RABGAP1L: variants seen among roughly 807,000 people sequenced by gnomAD.
The protein encoded by RABGAP1L is RAB GTPase activating protein 1 like.
RABGAP1L carries 63 observed loss-of-function variants against 137.7 expected under a neutral mutation model. That is an observed-to-expected ratio of 0.46 (90% CI 0.37 to 0.56). The LOEUF is 0.56. Ranked by LOEUF, RABGAP1L falls within the 20% of genes least tolerant of loss-of-function variation. The pLI is 0.00. For synonymous variants in RABGAP1L, 431 were observed against 433.7 expected, an observed-to-expected ratio of 0.99 and a Z score of 0.08; for missense variants, 1,095 against 1,244.0, an observed-to-expected ratio of 0.88 and a Z score of 1.80.
intron 13 of RABGAP1L, among the ~76,000 whole-genome samples, chr1:174,529,371 T>G (rs1369590903): frequency 6.6e-6 from 1 of 152,166 alleles, no homozygotes; most frequent in Non-Finnish European, 1.5e-5. Context: ...GGGTGCAGGC[T>G]AGTAGTATAA....
At chr1:174,956,178 A>G (rs1668497616) in intron 19 of RABGAP1L, among the ~76,000 whole-genome samples, 1 of 152,138 alleles carries the variant, frequency 6.6e-6, no homozygotes, top group South Asian at 2.1e-4. Context: ...TTATAGATGA[A>G]GAAACTGAGG....
At chr1:174,175,389 C>T (rs1400789605) in intron 1 of RABGAP1L, among the ~76,000 whole-genome samples, 1 of 152,058 alleles carries the variant, frequency 6.6e-6, no homozygotes, top group East Asian at 1.9e-4. Flanking sequence ...AGAAATCTCT[C>T]ATTTGTGCTT....
chr1:174,583,615 G>C (rs1354246430), intron 13 of RABGAP1L, among the ~76,000 whole-genome samples: 6 of 152,100 alleles, frequency 3.9e-5, no homozygotes, highest in African/African-American at 1.4e-4. Flanking sequence ...AGCTCATAGA[G>C]GAGTCCCAGG....
At chr1:174,622,099 A>G (rs1275464226) in intron 13 of RABGAP1L, among the ~76,000 whole-genome samples, 8 of 152,264 alleles carry the variant, frequency 5.3e-5, no homozygotes, top group Non-Finnish European at 1.0e-4. Flanking sequence ...AGACACATGA[A>G]AAAATGCTCA....
At chr1:174,554,542 A>G (rs541139060) in intron 13 of RABGAP1L, among the ~76,000 whole-genome samples, 27 of 152,216 alleles carry the variant, frequency 1.8e-4, no homozygotes, top group Non-Finnish European at 3.4e-4. Flanking sequence ...CTTTTATTTC[A>G]AAGTAAAATA....
intron 19 of RABGAP1L, among the ~76,000 whole-genome samples, chr1:174,887,524 CAG>C (rs1403732760): frequency 6.6e-6 from 1 of 151,900 alleles, no homozygotes; most frequent in Non-Finnish European, 1.5e-5. Flanking sequence ...AATTAAGAAA[CAG>C]AAATCTCTTG....
chr1:174,463,813 AAATAAT>A lies in RABGAP1L; in HGVS notation c.1710+69677_1710+69682del, dbSNP rs919371824. On this transcript the variant is annotated intron_variant, in intron 13 of 25. Coordinates refer to ENST00000681986, the MANE Select transcript of RABGAP1L (RefSeq NM_001366446.1). The stretch of plus-strand genomic sequence containing the variant: ...AGTGGCTATTACTAAAAAGTAAAAA[AAATAAT>A]AATAATAACAGATGTTGGTGAGGTT... Among the ~76,000 whole-genome samples, 3 of 151,928 alleles carry A rather than the reference AAATAAT, an allele frequency of 2.0e-5. No homozygotes were observed. In the East Asian group the frequency reaches 5.8e-4, roughly 29 times the overall value.
At chr1:174,462,141 C>G (rs868242999) in intron 13 of RABGAP1L, among the ~76,000 whole-genome samples, 2 of 152,204 alleles carry the variant, frequency 1.3e-5, no homozygotes, top group Admixed American at 6.5e-5. Context: ...TCTAATAATA[C>G]TTCTTTTAAT....
Position 174,317,793 on chromosome 1 carries a change from G to A in RABGAP1L, c.1465+12666G>A, listed in dbSNP as rs546513103. Among the ~76,000 whole-genome samples, 126 of 152,228 alleles carry A rather than the reference G, an allele frequency of 8.3e-4. 1 individual carries two copies. In the Middle Eastern group the frequency reaches 0.01, roughly 12 times the overall value. ...TAGCACTGTAGCCCTTGGTGGCAAGGTCTGCAGGAACTCAAATTTGTACCG... is the reference window on the plus strand; with the variant it reads ...TAGCACTGTAGCCCTTGGTGGCAAGATCTGCAGGAACTCAAATTTGTACCG... On this transcript the variant is annotated intron_variant, in intron 11 of 25. Transcript: ENST00000681986.
intron 13 of RABGAP1L, among the ~76,000 whole-genome samples, chr1:174,463,795 A>G (rs1490788844): frequency 2.0e-5 from 3 of 151,968 alleles, no homozygotes; most frequent in Non-Finnish European, 4.4e-5. Flanking sequence ...CAGAGTGGCT[A>G]TTACTAAAAA....
chr1:174,836,431 T>C (rs1692760816), intron 19 of RABGAP1L, among the ~76,000 whole-genome samples: 1 of 152,224 alleles, frequency 6.6e-6, no homozygotes, highest in South Asian at 2.1e-4. Flanking sequence ...GCACCCTCAT[T>C]GTAAAACAGA....
intron 13 of RABGAP1L, among the ~76,000 whole-genome samples, chr1:174,530,688 A>G (rs1015938702): frequency 6.6e-6 from 1 of 152,196 alleles, no homozygotes; most frequent in South Asian, 2.1e-4. Context: ...GTTAAATCCC[A>G]GTGTTCTCTC....
At chr1:174,843,244 T>C (rs904478154) in intron 19 of RABGAP1L, among the ~76,000 whole-genome samples, 2 of 140,092 alleles carry the variant, frequency 1.4e-5, no homozygotes, top group Admixed American at 7.0e-5. Flanking sequence ...TTTTTTTTTA[T>C]ACTTTAAGTT....
At chr1:174,904,242 C>G (rs1489252203) in intron 19 of RABGAP1L, among the ~76,000 whole-genome samples, 2 of 152,076 alleles carry the variant, frequency 1.3e-5, no homozygotes, top group Non-Finnish European at 2.9e-5. Context: ...TGTGGTGGCT[C>G]ATGCCTATAA....
chr1:174,396,000 C>CA (rs1647802507), intron 13 of RABGAP1L, among the ~76,000 whole-genome samples: 1 of 151,916 alleles, frequency 6.6e-6, no homozygotes, highest in African/African-American at 2.4e-5. Context: ...AACCATGAAT[C>CA]AAAAAACTGA....
At chr1:174,686,427 T>C (rs967017504) in intron 15 of RABGAP1L, among the ~76,000 whole-genome samples, 1 of 152,126 alleles carries the variant, frequency 6.6e-6, no homozygotes, top group Non-Finnish European at 1.5e-5. Context: ...AGTTACTTTA[T>C]AGTCACAAAT....
At chr1:174,469,216 G>T (rs61826876) in intron 13 of RABGAP1L, among the ~76,000 whole-genome samples, 13,647 of 152,094 alleles carry the variant, frequency 0.09, 832 homozygotes, top group East Asian at 0.22. Context: ...TTAAATCTTT[G>T]TGCTTATATA....
intron 17 of RABGAP1L, among the ~76,000 whole-genome samples, chr1:174,709,681 C>T (rs1432640788): frequency 1.3e-5 from 2 of 152,194 alleles, no homozygotes; most frequent in Non-Finnish European, 2.9e-5. Context: ...AGGTCACCAA[C>T]ATCAAAGACC....
intron 13 of RABGAP1L, among the ~76,000 whole-genome samples, chr1:174,595,726 C>T (rs1669835973): frequency 8.9e-6 from 1 of 112,004 alleles, no homozygotes; most frequent in Admixed American, 9.3e-5. Flanking sequence ...AGATCTCCAG[C>T]TGCGTGCTGG....
Sources: allele counts gnomAD v4.1 joint callset (sites outside exome capture counted in the v4.1 genomes callset), GRCh38; gene constraint gnomAD v4.1.1; transcripts MANE v1.5; gene names NCBI Gene and HGNC (gene_info 2026-07-23, HGNC 2026-07-21).